MYT1: variants seen among roughly 807,000 people sequenced by gnomAD.
MYT1 encodes myelin transcription factor I.
Under a neutral mutation model 123.0 loss-of-function variants are expected in MYT1, and 23 were observed. The observed-to-expected ratio is 0.19, with a 90% confidence interval of 0.13 to 0.26. The LOEUF (loss-of-function observed/expected upper bound fraction) is 0.26, where lower values mean the gene tolerates loss of function less well. Among genes scored for constraint, MYT1 ranks in the 10% least tolerant of loss-of-function variants. The pLI is 1.00. For missense variants in MYT1, 1,125 were observed against 1,472.5 expected (o/e 0.76, Z 3.86); for synonymous variants, 518 against 575.3 (o/e 0.90, Z 1.43).
chr20:64,199,782 C>A, intron 3 of MYT1, 110 bp from the exon 4 acceptor site: 1 of 1,306,546 alleles, frequency 7.7e-7, no homozygotes, highest in Non-Finnish European at 1.1e-6. Context: ...TTTGCCTCCA[C>A]TCGTCCTTGG....
chr20:64,226,217 A>G (rs1984164482), intron 16 of MYT1, among the ~76,000 whole-genome samples: 1 of 152,230 alleles, frequency 6.6e-6, no homozygotes, highest in African/African-American at 2.4e-5. Flanking sequence ...GCAAGGATGA[A>G]GGAATGTGAG....
chr20:64,188,076 G>A (rs922681953), intron 1 of MYT1, among the ~76,000 whole-genome samples: 3 of 152,212 alleles, frequency 2.0e-5, no homozygotes, highest in Non-Finnish European at 2.9e-5. Context: ...AGGAGTGTAA[G>A]GGATGTGGGC....
At position 64,215,770 on chromosome 20, in the gene MYT1, T is replaced by C. The variant is rs867012269; in HGVS notation, c.1632-1297T>C. 5.9e-5 allele frequency among the ~76,000 whole-genome samples: 9 copies of C among 151,778 alleles called. No homozygotes were observed. In the South Asian group the frequency reaches 1.9e-3, roughly 32 times the overall value. On this transcript the variant is annotated intron_variant, in intron 10 of 22. Coordinates refer to ENST00000328439, the MANE Select transcript of MYT1 (RefSeq NM_004535.3). The stretch of plus-strand genomic sequence containing the variant: ...CCTATTTTTTTTGCGTTTTTTTTTT[T>C]TTCTTTTTTTTGTAGAGAGGGTCTC...
intron 1 of MYT1, 40 bp downstream of exon 1, chr20:64,164,779 C>G (rs570367186): frequency 6.6e-6 from 1 of 152,080 alleles, no homozygotes; most frequent in Non-Finnish European, 1.5e-5. Flanking sequence ...AGGCAGATAC[C>G]CAACGCTTGG....
chr20:64,235,001 G>A (rs1252851721), intron 19 of MYT1, among the ~76,000 whole-genome samples: 2 of 149,972 alleles, frequency 1.3e-5, no homozygotes, highest in Non-Finnish European at 3.0e-5. Flanking sequence ...CACTGGGCTG[G>A]CTGTGGTGGG....
chr20:64,187,758 A>C (rs570282513), intron 1 of MYT1, among the ~76,000 whole-genome samples: 1 of 152,286 alleles, frequency 6.6e-6, no homozygotes, highest in Non-Finnish European at 1.5e-5. Context: ...CTGCCAAGAC[A>C]TTTCCTAGGA....
chr20:64,199,345 G>A (rs1453417474), intron 3 of MYT1, among the ~76,000 whole-genome samples: 1 of 152,186 alleles, frequency 6.6e-6, no homozygotes, highest in Non-Finnish European at 1.5e-5. Flanking sequence ...TAGGATCTGA[G>A]CCCCAACCCC....
intron 18 of MYT1, among the ~76,000 whole-genome samples, chr20:64,229,965 G>GC (rs1984273201): frequency 6.6e-6 from 1 of 152,056 alleles, no homozygotes; most frequent in South Asian, 2.1e-4. Flanking sequence ...CACGGCTTCT[G>GC]CCCCCCAACA....
rs533350876 is a variant in MYT1, at chr20:64,186,023, A to C, written c.-98-4040A>C. Among the ~76,000 whole-genome samples the C allele has an allele frequency of 7.0e-4, 107 of 152,304 alleles. No individual in the cohort carries two copies. The highest frequency in any genetic ancestry group is 1.2e-3 in the Non-Finnish European group (82 of 68,010). On this transcript the variant is annotated intron_variant, in intron 1 of 22. Transcript: ENST00000328439. The surrounding 1 kb of genome is among the most constrained non-coding windows in gnomAD (Gnocchi z 4.3). ...TAGGAGAAGACAGACGGGGGGCTAC[A>C]GCTCAGCACTGCACATCTCCCTGGC...
At chr20:64,239,164 G>A (rs989627297) in intron 21 of MYT1, among the ~76,000 whole-genome samples, 4 of 152,220 alleles carry the variant, frequency 2.6e-5, no homozygotes, top group Non-Finnish European at 4.4e-5. Flanking sequence ...CCCTGGGCAG[G>A]TTCACCGCCA....
chr20:64,232,116 C>T lies in MYT1; in HGVS notation c.2676-48C>T, dbSNP rs1338704953. 1 of 1,588,028 alleles carries T rather than the reference C, an allele frequency of 6.3e-7. No homozygotes were observed. Among genetic ancestry groups the T allele is most frequent in the Admixed American group, 1.7e-5 (1 of 59,862 alleles). ...GGCTTGAGAGAGTCTCCAGGCTTCT[C>T]CTCCCAACCCTTCGCCCCTGTACTC... is the stretch of plus-strand genomic sequence containing the variant. On this transcript the variant is annotated intron_variant, in intron 18 of 22. Transcript: ENST00000328439. This position sits in a 1 kb window ranked among gnomAD's most constrained non-coding sequence, Gnocchi z 6.9.
At position 64,191,244 on chromosome 20, in the gene MYT1, C is replaced by T. The variant is rs1048144804; in HGVS notation, c.-1+1084C>T. Among the ~76,000 whole-genome samples, 10 of 152,202 alleles carry T rather than the reference C, an allele frequency of 6.6e-5. No homozygotes were observed. Among genetic ancestry groups the T allele is most frequent in the Admixed American group, 6.5e-4 (10 of 15,286 alleles). On this transcript the variant is annotated intron_variant, in intron 2 of 22. Coordinates refer to ENST00000328439, the MANE Select transcript of MYT1 (RefSeq NM_004535.3). The surrounding 1 kb of genome is among the most constrained non-coding windows in gnomAD (Gnocchi z 4.1). ...ATGGTGCAAGCCCTTCTTATACCTT[C>T]CCAGGGTATAAGATCTCCCTTCGGG...
intron 1 of MYT1, among the ~76,000 whole-genome samples, chr20:64,170,403 C>T (rs1285236281): frequency 2.0e-5 from 3 of 152,146 alleles, no homozygotes; most frequent in Non-Finnish European, 1.5e-5. Flanking sequence ...CATCCCAAGT[C>T]AAGGGGCTGC....
At chr20:64,187,984 G>GGGATGCTA (rs1335781790) in intron 1 of MYT1, among the ~76,000 whole-genome samples, 18 of 152,208 alleles carry the variant, frequency 1.2e-4, no homozygotes, top group African/African-American at 4.3e-4. Context: ...GTTGATCCCC[G>GGGATGCTA]GGATGCTAGT....
intron 14 of MYT1, among the ~76,000 whole-genome samples, chr20:64,222,829 G>A (rs80159875): frequency 0.014 from 2,141 of 152,344 alleles, 19 homozygotes; most frequent in Non-Finnish European, 0.023. Context: ...CTAAATATTC[G>A]TGGGCACATA....
Position 64,209,000 on chromosome 20 carries a change from G to A in MYT1, c.1291+513G>A, listed in dbSNP as rs1402174707. 6.6e-6 allele frequency among the ~76,000 whole-genome samples: 1 copy of A among 152,196 alleles called. No homozygotes were observed. Among genetic ancestry groups the A allele is most frequent in the African/African-American group, 2.4e-5 (1 of 41,440 alleles). ...GGCTCTGCATCTGTCTCTGGATTTG[G>A]CTCTAAAGTGTGCAGGGTACAGGGG... On this transcript the variant is annotated intron_variant, in intron 7 of 22. Coordinates refer to ENST00000328439, the MANE Select transcript of MYT1 (RefSeq NM_004535.3). The surrounding 1 kb of genome is among the most constrained non-coding windows in gnomAD (Gnocchi z 5.4).
rs182240648 is a variant in MYT1 at position 64,240,510 on chromosome 20, G to A, written c.*62G>A. 104 of 1,533,388 alleles carry A rather than the reference G, an allele frequency of 6.8e-5. 1 individual carries two copies. The highest frequency in any genetic ancestry group is 2.4e-4 in the Middle Eastern group (1 of 4,250). The allele number at this position is 1,533,388 out of a possible 1,614,324, so 95.0% of individuals were successfully genotyped here. A position where few individuals can be genotyped will look rare whatever the true frequency, so the allele number is the denominator to read the frequency against. On this transcript the variant is annotated 3_prime_UTR_variant, in exon 23 of 23. Transcript: ENST00000328439. ...CCGTTTACCTCCCTCGCCCTGCCCC[G>A]CACCGTGGGGATGCCCAACTCACAG... is the stretch of plus-strand genomic sequence containing the variant.
At chr20:64,211,829 G>T (rs577486531) in intron 8 of MYT1, among the ~76,000 whole-genome samples, 4 of 152,142 alleles carry the variant, frequency 2.6e-5, no homozygotes, top group Admixed American at 2.6e-4. Context: ...TGGTGGTGGC[G>T]GTGGGGGGCA....
At chr20:64,235,535 C>T (rs1383821871) in intron 19 of MYT1, among the ~76,000 whole-genome samples, 2 of 134,566 alleles carry the variant, frequency 1.5e-5, no homozygotes, top group Non-Finnish European at 3.1e-5. Flanking sequence ...GTATGTGACC[C>T]GGGGCTGGCC....
Sources: allele counts gnomAD v4.1 joint callset (sites outside exome capture counted in the v4.1 genomes callset), GRCh38; gene constraint gnomAD v4.1.1; non-coding constraint Gnocchi (gnomAD v3.1); transcripts MANE v1.5; gene names NCBI Gene and HGNC (gene_info 2026-07-23, HGNC 2026-07-21).